Variants in GATAD2A observed in about 807,000 individuals in gnomAD.
GATAD2A encodes the protein GATA zinc finger domain containing 2A.
In GATAD2A, 12 loss-of-function variants were observed where a neutral mutation model predicts 68.5. The ratio of observed to expected loss-of-function variants is 0.18; its 90% CI spans 0.11 to 0.28. The LOEUF is 0.28. Among genes scored for constraint, GATAD2A ranks in the 10% least tolerant of loss-of-function variants. The pLI is 1.00. For synonymous variants in GATAD2A, 410 were observed against 375.3 expected (o/e 1.09, Z -1.07); for missense variants, 755 against 868.5 (o/e 0.87, Z 1.64).
chr19:19,409,242 A>G (rs1019574576), intron 1 of GATAD2A, among the ~76,000 whole-genome samples: 1 of 152,100 alleles, frequency 6.6e-6, no homozygotes, highest in African/African-American at 2.4e-5. Context: ...GTGCCATCAA[A>G]TGGAACAGGC....
At chr19:19,400,779 C>G (rs1024378979), upstream of GATAD2A, among the ~76,000 whole-genome samples, 1 of 152,080 alleles carries the variant, frequency 6.6e-6, no homozygotes, top group Non-Finnish European at 1.5e-5. Flanking sequence ...ATGATCCTCC[C>G]TTAGAGATTG....
chr19:19,418,732 G>T (rs1355062536), intron 1 of GATAD2A, among the ~76,000 whole-genome samples: 1 of 152,156 alleles, frequency 6.6e-6, no homozygotes, highest in Admixed American at 6.6e-5. Context: ...CTTGTTTCAT[G>T]CACTGCTCAA....
chr19:19,488,979 G>A (rs1346186014), intron 2 of GATAD2A, among the ~76,000 whole-genome samples: 1 of 152,116 alleles, frequency 6.6e-6, no homozygotes, highest in Non-Finnish European at 1.5e-5. Flanking sequence ...GATTTCCACT[G>A]GTTTTGTTTA....
chr19:19,504,262 TG>T (rs1467747418), intron 11 of GATAD2A, among the ~76,000 whole-genome samples: 1 of 152,170 alleles, frequency 6.6e-6, no homozygotes, highest in Non-Finnish European at 1.5e-5. Context: ...GTGTGCTGGG[TG>T]GGGGCATTTA....
intron 1 of GATAD2A, among the ~76,000 whole-genome samples, chr19:19,452,686 G>A (rs1050455789): frequency 3.9e-5 from 6 of 152,076 alleles, no homozygotes; most frequent in South Asian, 2.1e-4. Flanking sequence ...CTGGGGCTGG[G>A]CTGAGGAGCT....
chr19:19,454,735 C>CCCA (rs2056769044), intron 1 of GATAD2A, among the ~76,000 whole-genome samples: 1 of 130,862 alleles, frequency 7.6e-6, no homozygotes, highest in South Asian at 2.9e-4. Context: ...TGTGCCCCCC[C>CCCA]CCACCCCCTT....
intron 1 of GATAD2A, among the ~76,000 whole-genome samples, chr19:19,399,842 G>C (rs1184372434): frequency 6.6e-6 from 1 of 152,154 alleles, no homozygotes; most frequent in Non-Finnish European, 1.5e-5. Context: ...AACAAATGGG[G>C]AGTAGGGTGT....
At chr19:19,493,402 C>T (rs1322852869) in intron 4 of GATAD2A, among the ~76,000 whole-genome samples, 2 of 152,240 alleles carry the variant, frequency 1.3e-5, no homozygotes, top group Admixed American at 6.5e-5. Context: ...GTGTGCGTCT[C>T]AGTCCCCTCC....
At chr19:19,408,537 GTA>G (rs1011790019) in intron 1 of GATAD2A, among the ~76,000 whole-genome samples, 62 of 152,200 alleles carry the variant, frequency 4.1e-4, no homozygotes, top group African/African-American at 1.5e-3. Context: ...GCGTGTGTGT[GTA>G]TGTTTTTAAT....
intron 2 of GATAD2A, among the ~76,000 whole-genome samples, chr19:19,466,891 G>A (rs188069781): frequency 7.9e-5 from 12 of 152,324 alleles, no homozygotes; most frequent in Non-Finnish European, 2.9e-5. Context: ...CTCAGCAGGG[G>A]TGAGCAGTGA....
intron 4 of GATAD2A, among the ~76,000 whole-genome samples, chr19:19,493,011 G>C (rs894043610): frequency 1.3e-5 from 2 of 150,902 alleles, no homozygotes; most frequent in African/African-American, 4.9e-5. Context: ...CGCAACCTTG[G>C]CTCACTGCAA....
At chr19:19,500,741 C>T (rs3794993) in intron 8 of GATAD2A, among the ~76,000 whole-genome samples, 3 of 152,024 alleles carry the variant, frequency 2.0e-5, no homozygotes, top group Admixed American at 6.5e-5. Context: ...CAGGACATGG[C>T]GCATTTGGGG....
chr19:19,426,550 G>T lies in GATAD2A; in HGVS notation c.-7+20531G>T, dbSNP rs529419646. Among the ~76,000 whole-genome samples the T allele has an allele frequency of 5.3e-5, 8 of 152,080 alleles. No individual in the cohort carries two copies. The South Asian group carries it at 1.7e-3, about 32-fold the overall frequency. ...TTTTGAGATAGAATCTTGCTCTTTT[G>T]CCCAGGCTGGAATACAGAGATGCGA... is the stretch of plus-strand genomic sequence containing the variant. On this transcript the variant is annotated intron_variant, in intron 1 of 11. Transcript: ENST00000683918.
At chr19:19,486,013 C>T (rs949754039) in intron 2 of GATAD2A, among the ~76,000 whole-genome samples, 3 of 152,180 alleles carry the variant, frequency 2.0e-5, no homozygotes, top group Admixed American at 6.5e-5. Flanking sequence ...TCCATCAGTC[C>T]GTGGCGCTGG....
intron 1 of GATAD2A, among the ~76,000 whole-genome samples, chr19:19,449,013 T>G (rs1054727457): frequency 2.6e-5 from 4 of 152,158 alleles, no homozygotes; most frequent in Non-Finnish European, 5.9e-5. Context: ...CCCCTGGTTT[T>G]GGGAGTTTTC....
chr19:19,469,431 C>CAAA (rs56310236), intron 2 of GATAD2A, among the ~76,000 whole-genome samples: 2 of 132,196 alleles, frequency 1.5e-5, no homozygotes, highest in African/African-American at 3.0e-5. Context: ...GACTCCATCT[C>CAAA]AAAAAAAAAG....
chr19:19,435,676 C>T (rs1015303999), intron 1 of GATAD2A, among the ~76,000 whole-genome samples: 6 of 152,116 alleles, frequency 3.9e-5, no homozygotes, highest in African/African-American at 9.7e-5. Context: ...ATGGCAAAAC[C>T]CCGTCTCTAC....
intron 1 of GATAD2A, among the ~76,000 whole-genome samples, chr19:19,448,806 CT>C (rs2056048505): frequency 6.6e-6 from 1 of 152,176 alleles, no homozygotes; most frequent in Non-Finnish European, 1.5e-5. Context: ...TGCTACCTGT[CT>C]TTCTCCTCAT....
chr19:19,455,168 A>G (rs2056810372), intron 1 of GATAD2A, among the ~76,000 whole-genome samples: 1 of 151,960 alleles, frequency 6.6e-6, no homozygotes, highest in Non-Finnish European at 1.5e-5. Context: ...CAGCCTGGGC[A>G]ATACAGTGGG....
Sources: gnomAD v4.1 joint callset for allele counts (sites outside exome capture counted in the v4.1 genomes callset) on GRCh38, gnomAD v4.1.1 for gene constraint, MANE v1.5 for transcripts, NCBI Gene and HGNC (gene_info 2026-07-23, HGNC 2026-07-21) for gene names.